Variants in CYP2B6 observed in about 807,000 individuals in gnomAD.
The protein encoded by CYP2B6 is cytochrome P450 family 2 subfamily B member 6.
In CYP2B6, 35 loss-of-function variants were observed where a neutral mutation model predicts 43.4. That is an observed-to-expected ratio of 0.81 (90% CI 0.62 to 1.07). The LOEUF is 1.07. Among genes scored for constraint, CYP2B6 ranks in the 50% least tolerant of loss-of-function variants. CYP2B6 has a pLI of 0.00. For missense variants in CYP2B6, 624 were observed against 632.8 expected, an observed-to-expected ratio of 0.99 and a Z score of 0.15; for synonymous variants, 239 against 239.2, an observed-to-expected ratio of 1.00 and a Z score of 0.01.
At position 41,007,045 on chromosome 19, in the gene CYP2B6, A is replaced by T. The variant is rs144518874; in HGVS notation, c.625A>T (p.Ile209Phe). ...LNLFYQTFSLISSVFGQLFEL... is the reference protein window; with the variant it reads ...LNLFYQTFSLFSSVFGQLFEL... ...CTTGTTCTACCAGACTTTTTCACTCATCAGCTCTGTATTCGGCCAGGTCAG... is the reference window on the plus strand; with the variant it reads ...CTTGTTCTACCAGACTTTTTCACTCTTCAGCTCTGTATTCGGCCAGGTCAG... Residue 209 changes from isoleucine (I) to phenylalanine (F), a missense_variant, in exon 4 of 9, where the codon ATC becomes TTC. Physicochemically the swap from Ile to Phe is conservative, Grantham distance 21. Transcript: ENST00000324071. 4 of 1,613,998 alleles carry T rather than the reference A, an allele frequency of 2.5e-6. No homozygotes were observed. The highest frequency in any genetic ancestry group is 4.5e-5 in the East Asian group (2 of 44,894).
intron 6 of CYP2B6, among the ~76,000 whole-genome samples, chr19:41,012,071 C>G (rs1461775899): frequency 6.6e-6 from 1 of 152,120 alleles, no homozygotes; most frequent in African/African-American, 2.4e-5. Flanking sequence ...GCCTCAGCCT[C>G]CTGAGTAGCT....
At chr19:40,995,344 C>G (rs547326800) in intron 1 of CYP2B6, among the ~76,000 whole-genome samples, 2 of 152,222 alleles carry the variant, frequency 1.3e-5, no homozygotes, top group African/African-American at 4.8e-5. Flanking sequence ...AGATGTGGAT[C>G]CAAGATCCGA....
chr19:41,001,483 A>G (rs1209682802), intron 1 of CYP2B6, among the ~76,000 whole-genome samples: 2 of 152,034 alleles, frequency 1.3e-5, no homozygotes, highest in African/African-American at 4.8e-5. Flanking sequence ...ATTCTTTTTG[A>G]TGTCAGAGGG....
At chr19:41,013,610 T>G (rs1441122792) in intron 8 of CYP2B6, among the ~76,000 whole-genome samples, 2 of 152,330 alleles carry the variant, frequency 1.3e-5, no homozygotes, top group East Asian at 1.9e-4. Flanking sequence ...AAAGGGCTCA[T>G]CTGGGCAGGA....
At chr19:40,998,560 C>T (rs1969032083) in intron 1 of CYP2B6, among the ~76,000 whole-genome samples, 1 of 137,186 alleles carries the variant, frequency 7.3e-6, no homozygotes, top group Admixed American at 7.2e-5. Context: ...TCTCCCAATG[C>T]TATCCCTCCC....
intron 3 of CYP2B6, among the ~76,000 whole-genome samples, chr19:41,005,558 A>G (rs530956573): frequency 1.3e-3 from 199 of 152,162 alleles, no homozygotes; most frequent in African/African-American, 4.6e-3. Flanking sequence ...AGGCTGGCGG[A>G]TCATTTGAGG....
At chr19:41,012,096 G>A (rs1373127313) in intron 6 of CYP2B6, among the ~76,000 whole-genome samples, 1 of 152,016 alleles carries the variant, frequency 6.6e-6, no homozygotes, top group South Asian at 2.1e-4. Context: ...ATACAGGTGT[G>A]CACCAGCACA....
chr19:41,001,797 T>G (rs921279720), intron 1 of CYP2B6, among the ~76,000 whole-genome samples: 3 of 152,072 alleles, frequency 2.0e-5, no homozygotes, highest in Non-Finnish European at 4.4e-5. Flanking sequence ...TTATGGACAT[T>G]CCATTGGCAG....
At position 41,006,933 on chromosome 19, in the gene CYP2B6, C is replaced by G; in HGVS notation, c.513C>G (p.Phe171Leu). ...CCCTCATGGACCCCACCTTCCTCTT[C>G]CAGTCCATTACCGCCAACATCATCT... ...KGALMDPTFLFQSITANIICS... is the reference protein window; with the variant it reads ...KGALMDPTFLLQSITANIICS... The change falls in exon 4 of 9, where the codon TTC becomes TTG. Residue 171 changes from phenylalanine to leucine, a missense_variant. By Grantham distance (22) the Phe-to-Leu change is conservative. Coordinates refer to ENST00000324071, the MANE Select transcript of CYP2B6 (RefSeq NM_000767.5). 2 of 1,613,974 alleles carry G rather than the reference C, an allele frequency of 1.2e-6. No homozygotes were observed. The highest frequency in any genetic ancestry group is 1.1e-5 in the South Asian group (1 of 91,070).
chr19:41,014,510 T>C (rs527411077), intron 8 of CYP2B6, among the ~76,000 whole-genome samples: 2 of 152,232 alleles, frequency 1.3e-5, no homozygotes, highest in South Asian at 4.1e-4. Context: ...TTTCACCGTG[T>C]TAGCCAGGAT....
chr19:41,004,573 C>A, intron 3 of CYP2B6, 127 bp downstream of exon 3: 1 of 1,055,702 alleles, frequency 9.5e-7, no homozygotes, highest in Non-Finnish European at 1.4e-6. Flanking sequence ...GAGACACCAT[C>A]AGACAGAGGG....
intron 6 of CYP2B6, 47 bp downstream of exon 6, chr19:41,010,182 A>G: frequency 6.2e-7 from 1 of 1,608,630 alleles, no homozygotes; most frequent in Non-Finnish European, 8.5e-7. Flanking sequence ...CCTCCTTCTG[A>G]GCTGCAGAAA....
chr19:41,004,289 C>T lies in CYP2B6; in HGVS notation c.335-8C>T, dbSNP rs764743856. On this transcript the variant is annotated splice_polypyrimidine_tract_variant and splice_region_variant and intron_variant, in intron 2 of 8. Transcript: ENST00000324071. Reference sequence around the variant, plus strand: ...CTACAACCAACCCACACCTCCCCTGCACCCCAGGTGTGATCTTTGCCAATG... The same window carrying T: ...CTACAACCAACCCACACCTCCCCTGTACCCCAGGTGTGATCTTTGCCAATG... 2.4e-5 allele frequency: 38 copies of T among 1,613,898 alleles called. No homozygotes were observed. The highest frequency in any genetic ancestry group is 9.9e-5 in the South Asian group (9 of 91,054).
At chr19:41,001,592 T>C (rs1389846561) in intron 1 of CYP2B6, among the ~76,000 whole-genome samples, 3 of 151,992 alleles carry the variant, frequency 2.0e-5, no homozygotes, top group Non-Finnish European at 2.9e-5. Context: ...GCCCCTAAGG[T>C]GGTTGTGAGG....
intron 7 of CYP2B6, 58 bp downstream of exon 7, chr19:41,012,543 C>T (rs1969301771): frequency 3.1e-6 from 5 of 1,610,492 alleles, no homozygotes; most frequent in Admixed American, 3.3e-5. Flanking sequence ...TTCTCTTAAT[C>T]CCCGAACTCA....
intron 1 of CYP2B6, among the ~76,000 whole-genome samples, chr19:40,995,240 T>G (rs759351960): frequency 2.6e-5 from 4 of 152,206 alleles, no homozygotes; most frequent in Non-Finnish European, 5.9e-5. Flanking sequence ...AGATGCCAAC[T>G]GCTTCTGGGG....
At chr19:40,998,635 C>T (rs1437713977) in intron 1 of CYP2B6, among the ~76,000 whole-genome samples, 2 of 141,270 alleles carry the variant, frequency 1.4e-5, no homozygotes, top group African/African-American at 2.7e-5. Context: ...CATGTGATCT[C>T]ATTGTTCAAT....
At chr19:41,011,980 G>T (rs1969291546) in intron 6 of CYP2B6, among the ~76,000 whole-genome samples, 2 of 151,950 alleles carry the variant, frequency 1.3e-5, no homozygotes, top group Non-Finnish European at 2.9e-5. Flanking sequence ...ATGGAGTCTT[G>T]CTCTGTCACC....
At chr19:40,994,688 C>G (rs4803415) in intron 1 of CYP2B6, among the ~76,000 whole-genome samples, 1 of 151,906 alleles carries the variant, frequency 6.6e-6, no homozygotes, top group African/African-American at 2.4e-5. Context: ...ATAGGTAGTC[C>G]CCAGGTCTTG....
Sources: gnomAD v4.1 joint callset for allele counts (sites outside exome capture counted in the v4.1 genomes callset) on GRCh38, gnomAD v4.1.1 for gene constraint, MANE v1.5 for transcripts, NCBI Gene and HGNC (gene_info 2026-07-23, HGNC 2026-07-21) for gene names.